Variants in SDR42E2 observed in about 807,000 individuals in gnomAD.
The protein encoded by SDR42E2 is short chain dehydrogenase/reductase family 42E, member 2.
A neutral mutation model predicts 10.5 loss-of-function variants in SDR42E2; 20 were observed. The observed-to-expected ratio is 1.90, with a 90% CI of 1.34 to 2.77. The LOEUF is 2.77. Ranked by LOEUF, SDR42E2 falls within the 30% of genes most tolerant of loss-of-function variation. The pLI is 0.00. For synonymous variants in SDR42E2, 72 were observed against 39.2 expected (o/e 1.84, Z -3.12); for missense variants, 162 against 104.2 (o/e 1.55, Z -2.42).
At chr16:22,178,741 G>A (rs2046667270) in intron 8 of SDR42E2, among the ~76,000 whole-genome samples, 1 of 152,218 alleles carries the variant, frequency 6.6e-6, no homozygotes, top group African/African-American at 2.4e-5. Context: ...CTCCCTGGAG[G>A]AAGTGATGTC....
chr16:22,173,917 A>G (rs992513479), intron 7 of SDR42E2, among the ~76,000 whole-genome samples: 2 of 146,756 alleles, frequency 1.4e-5, no homozygotes, highest in African/African-American at 5.0e-5. Flanking sequence ...ATATATATAT[A>G]TATATATATA....
At chr16:22,171,986 G>T (rs530143029) in intron 6 of SDR42E2, among the ~76,000 whole-genome samples, 8 of 152,348 alleles carry the variant, frequency 5.3e-5, no homozygotes, top group African/African-American at 1.4e-4. Context: ...GCCTTGCAAG[G>T]ACAGGTGTCT....
At chr16:22,186,090 A>C (rs781032616) in intron 11 of SDR42E2, among the ~76,000 whole-genome samples, 21 of 152,076 alleles carry the variant, frequency 1.4e-4, no homozygotes, top group Non-Finnish European at 2.2e-4. Flanking sequence ...CAGTTTGAGA[A>C]CTGTTACTCC....
chr16:22,163,678 G>C (rs1015919294), intron 1 of SDR42E2, among the ~76,000 whole-genome samples: 1 of 152,206 alleles, frequency 6.6e-6, no homozygotes, highest in African/African-American at 2.4e-5. Context: ...CTGCACTCCA[G>C]CCTGAGCAAC....
In SDR42E2 at chr16:22,184,260, T is replaced by TGCGTAG; in HGVS notation, c.940+17_940+22dup. The TGCGTAG allele has an allele frequency of 2.5e-6, 1 of 401,230 alleles. No homozygotes were observed. Among genetic ancestry groups the TGCGTAG allele is most frequent in the Non-Finnish European group, 4.4e-6 (1 of 226,256 alleles). 24.9% of individuals were successfully genotyped at this position (401,230 alleles called of 1,614,324 possible). A position where few individuals can be genotyped will look rare whatever the true frequency, so the allele number is the denominator to read the frequency against. Reference sequence around the variant, plus strand: ...TACCTGACAGGTAAGGAAAGGAGTGTGCGTAGTAAAGCCCTCCATGTGCCA... The same window carrying TGCGTAG: ...TACCTGACAGGTAAGGAAAGGAGTGTGCGTAGGCGTAGTAAAGCCCTCCATGTGCCA... On this transcript the variant is annotated intron_variant, in intron 11 of 12. Transcript: ENST00000602312.
In SDR42E2 at chr16:22,191,526, G is replaced by C. The variant is rs1398500024; in HGVS notation, c.*1133G>C. The C allele has an allele frequency of 6.6e-6, 1 of 152,114 alleles. No individual in the cohort carries two copies. Among genetic ancestry groups the C allele is most frequent in the Non-Finnish European group, 1.5e-5 (1 of 68,026 alleles). 9.4% of individuals were successfully genotyped at this position (152,114 alleles called of 1,614,324 possible). On this transcript the variant is annotated 3_prime_UTR_variant, in exon 13 of 13. Coordinates refer to ENST00000602312, the MANE Select transcript of SDR42E2 (RefSeq NM_001394319.2). ...GATCCACCCCGACCCAATGTTCTGG[G>C]CTTCTCATTCACACAGATCTGTGTG...
intron 7 of SDR42E2, among the ~76,000 whole-genome samples, chr16:22,172,644 AG>A (rs2046611344): frequency 6.6e-6 from 1 of 152,178 alleles, no homozygotes; most frequent in African/African-American, 2.4e-5. Context: ...ATCCAGTTTT[AG>A]GGGCCCTCTT....
At chr16:22,171,473 C>G (rs532785557) in intron 6 of SDR42E2, among the ~76,000 whole-genome samples, 4 of 151,936 alleles carry the variant, frequency 2.6e-5, no homozygotes, top group Non-Finnish European at 5.9e-5. Flanking sequence ...CTCTTGACCT[C>G]GTGATCTGCC....
intron 7 of SDR42E2, among the ~76,000 whole-genome samples, chr16:22,175,686 ATAAT>A (rs913087326): frequency 6.6e-6 from 1 of 151,862 alleles, no homozygotes; most frequent in African/African-American, 2.4e-5. Context: ...GTCTCTAAAA[ATAAT>A]TAATTAAATA....
At chr16:22,187,210 T>C (rs1394441437) in intron 12 of SDR42E2, among the ~76,000 whole-genome samples, 1 of 152,176 alleles carries the variant, frequency 6.6e-6, no homozygotes, top group African/African-American at 2.4e-5. Context: ...TCATAGTTCA[T>C]GCTTACTGAA....
intron 7 of SDR42E2, 27 bp from the exon 8 acceptor site, chr16:22,178,103 C>T: frequency 1.4e-6 from 1 of 700,398 alleles, no homozygotes; most frequent in Non-Finnish European, 2.6e-6. Flanking sequence ...CTCCCCTGAC[C>T]CCTGACCACG....
At chr16:22,177,512 CA>C (rs1239506068) in intron 7 of SDR42E2, among the ~76,000 whole-genome samples, 1 of 152,032 alleles carries the variant, frequency 6.6e-6, no homozygotes, top group Non-Finnish European at 1.5e-5. Flanking sequence ...CCTGTAATCC[CA>C]GCTACTTGGG....
chr16:22,167,031 G>C, intron 4 of SDR42E2, 32 bp downstream of exon 4: 1 of 699,676 alleles, frequency 1.4e-6, no homozygotes, highest in South Asian at 1.5e-5. Flanking sequence ...CCTGGAGTTA[G>C]ACAGAGTGGG....
chr16:22,186,171 T>A (rs1336939766), intron 11 of SDR42E2, among the ~76,000 whole-genome samples: 1 of 152,192 alleles, frequency 6.6e-6, no homozygotes, highest in Non-Finnish European at 1.5e-5. Flanking sequence ...TGGATAACTT[T>A]GAATCTGTTC....
intron 6 of SDR42E2, 50 bp from the exon 7 acceptor site, chr16:22,172,206 C>A: frequency 1.4e-6 from 1 of 702,694 alleles, no homozygotes; most frequent in South Asian, 1.5e-5. Flanking sequence ...GCATTGCCAG[C>A]AGCATTGCTG....
Position 22,167,165 on chromosome 16 carries a change from A to AT in SDR42E2, c.336+204dup, listed in dbSNP as rs534502295. Among the ~76,000 whole-genome samples, 148 of 37,710 alleles carry AT rather than the reference A, an allele frequency of 3.9e-3. 31 individuals carry two copies. The highest frequency in any genetic ancestry group is 4.8e-3 in the Non-Finnish European group (112 of 23,164). The allele number at this position is 37,710 out of a possible 152,430, so 24.7% of individuals were successfully genotyped here. A position where few individuals can be genotyped will look rare whatever the true frequency, so the allele number is the denominator to read the frequency against. The stretch of plus-strand genomic sequence containing the variant: ...CATGACACCAAATACCAGTTCTGCC[A>AT]TTTTTTTTTTTTTTTTTTTTTTTTT... On this transcript the variant is annotated intron_variant, in intron 4 of 12. Transcript: ENST00000602312.
Position 22,166,406 on chromosome 16 carries a change from A to C in SDR42E2, c.212A>C (p.Glu71Ala). The C allele has an allele frequency of 2.5e-6, 1 of 402,514 alleles. No homozygotes were observed. The highest frequency in any genetic ancestry group is 4.4e-6 in the Non-Finnish European group (1 of 227,196). The allele number at this position is 402,514 out of a possible 1,614,324, so 24.9% of individuals were successfully genotyped here. A position where few individuals can be genotyped will look rare whatever the true frequency, so the allele number is the denominator to read the frequency against. Reference protein sequence around the residue: ...ILLDRRRPQWELSPETKFIQA... With the variant: ...ILLDRRRPQWALSPETKFIQA... ...CTTGACCGCCGCAGACCCCAGTGGG[A>C]ACTGTCCCCGGAAACCAAGTTCATC... The change falls in exon 3 of 13, where the codon GAA becomes GCA. Residue 71 changes from glutamate (E) to alanine (A), a missense_variant. Transcript: ENST00000602312.
rs1330730346 is a variant in SDR42E2, at chr16:22,191,371, C to G, written c.*978C>G. ...CCTCCCTCTCTGGCTTCACCCCTTT[C>G]CAGCTCCGCCTCCCGGGTAGGTTCT... On this transcript the variant is annotated 3_prime_UTR_variant, in exon 13 of 13. Transcript: ENST00000602312. 2 of 152,660 alleles carry G rather than the reference C, an allele frequency of 1.3e-5. No homozygotes were observed. The highest frequency in any genetic ancestry group is 2.9e-5 in the Non-Finnish European group (2 of 68,182). 9.5% of individuals were successfully genotyped at this position (152,660 alleles called of 1,614,324 possible). A position where few individuals can be genotyped will look rare whatever the true frequency, so the allele number is the denominator to read the frequency against.
intron 8 of SDR42E2, among the ~76,000 whole-genome samples, chr16:22,178,616 G>A (rs919407821): frequency 6.6e-6 from 1 of 152,178 alleles, no homozygotes; most frequent in African/African-American, 2.4e-5. Flanking sequence ...GGGGCTATAG[G>A]CCCTGTCCTC....
Sources: gnomAD v4.1 joint callset for allele counts (sites outside exome capture counted in the v4.1 genomes callset) on GRCh38, gnomAD v4.1.1 for gene constraint, MANE v1.5 for transcripts, NCBI Gene and HGNC (gene_info 2026-07-23, HGNC 2026-07-21) for gene names.